Variants in C12orf57 observed in about 807,000 individuals in gnomAD.
The protein encoded by C12orf57 is chromosome 12 open reading frame 57.
C12orf57 carries 14 observed loss-of-function variants against 11.3 expected under a neutral mutation model. The observed-to-expected ratio is 1.24, with a 90% CI of 0.82 to 1.94. The LOEUF is 1.94. C12orf57 is among the 30% of genes most tolerant of loss of function. C12orf57 has a pLI of 0.00. For synonymous variants in C12orf57, 100 were observed against 74.6 expected (o/e 1.34, Z -1.76); for missense variants, 229 against 172.4 (o/e 1.33, Z -1.84).
Position 6,944,167 on chromosome 12 carries a change from G to A in C12orf57, c.46G>A (p.Ala16Thr), listed in dbSNP as rs782651043. 6 of 1,614,202 alleles carry A rather than the reference G, an allele frequency of 3.7e-6. No homozygotes were observed. Among genetic ancestry groups the A allele is most frequent in the Admixed American group, 1.7e-5 (1 of 60,032 alleles). ...TQPAALSAEQAKVVLAEVIQA... is the reference protein window; with the variant it reads ...TQPAALSAEQTKVVLAEVIQA... ...ACCGGCGGCCTTGAGCGCTGAGCAA[G>A]CAAAGGGTGAGAATCGTCCTAGTCA... The change falls in exon 1 of 3, where the codon GCA (alanine) becomes ACA (threonine). Residue 16 changes from alanine to threonine, a missense_variant. By Grantham distance (58) the Ala-to-Thr change is moderately conservative. Coordinates refer to ENST00000229281, the MANE Select transcript of C12orf57 (RefSeq NM_138425.4).
At chr12:6,944,206 T>TGGCCTGGGGTAGTCAA (rs1321580204) in intron 1 of C12orf57, 33 bp downstream of exon 1, 4 of 1,565,710 alleles carry the variant, frequency 2.6e-6, no homozygotes, top group Non-Finnish European at 2.6e-6. Flanking sequence ...CATAGGCTGC[T>TGGCCTGGGGTAGTCAA]GGCCTGGGGT....
upstream of C12orf57, chr12:6,943,815 G>T (rs61917871): frequency 5.3e-5 from 45 of 843,114 alleles, no homozygotes; most frequent in African/African-American, 7.0e-4. Context: ...CACATACGCA[G>T]CAGTGTTACA....
chr12:6,945,932 C>G lies in C12orf57; in HGVS notation c.*10C>G. On this transcript the variant is annotated 3_prime_UTR_variant, in exon 3 of 3. Coordinates refer to ENST00000229281, the MANE Select transcript of C12orf57 (RefSeq NM_138425.4). ...CGTGGCCGCCTCCTGAGAGTTGGCC[C>G]TCCCTTGTGCCACTGCCAGGGGAGG... 6.2e-7 allele frequency: 1 copy of G among 1,608,104 alleles called. No homozygotes were observed. Among genetic ancestry groups the G allele is most frequent in the South Asian group, 1.1e-5 (1 of 90,558 alleles).
rs972287855 is a variant in C12orf57, at chr12:6,944,065, C to G, written c.-57C>G. The G allele has an allele frequency of 1.7e-5, 27 of 1,613,068 alleles. No homozygotes were observed. Among genetic ancestry groups the G allele is most frequent in the Admixed American group, 3.3e-5 (2 of 60,006 alleles). ...CGTTGGGAACGGTTGTAGGACGTGGCTCTTTATTCGTGAGTTTTCCATTTA... is the reference window on the plus strand; with the variant it reads ...CGTTGGGAACGGTTGTAGGACGTGGGTCTTTATTCGTGAGTTTTCCATTTA... On this transcript the variant is annotated 5_prime_UTR_variant, in exon 1 of 3. Transcript: ENST00000229281.
chr12:6,943,884 G>C (rs978150168), upstream of C12orf57: 14 of 1,024,156 alleles, frequency 1.4e-5, no homozygotes, highest in African/African-American at 9.9e-5. Context: ...CCCCTCTTAT[G>C]ATGTTTGTTG....
upstream of C12orf57, chr12:6,943,719 TATACAGTA>T: frequency 1.6e-6 from 2 of 1,270,480 alleles, no homozygotes; most frequent in Non-Finnish European, 2.0e-6. Flanking sequence ...CGTCGTTGTT[TATACAGTA>T]ATAGGAACAA....
In C12orf57 at chr12:6,944,086, AT is replaced by A; in HGVS notation, c.-33del. The stretch of plus-strand genomic sequence containing the variant: ...GTGGCTCTTTATTCGTGAGTTTTCC[AT>A]TTACCTCCGCTGAACCTAGAGCTTC... On this transcript the variant is annotated 5_prime_UTR_variant, in exon 1 of 3. Transcript: ENST00000229281. 1 of 1,613,964 alleles carries A rather than the reference AT, an allele frequency of 6.2e-7. No homozygotes were observed. Among genetic ancestry groups the A allele is most frequent in the Non-Finnish European group, 8.5e-7 (1 of 1,179,940 alleles).
At chr12:6,943,902 T>C (rs112644872), upstream of C12orf57, 444 of 1,122,660 alleles carry the variant, frequency 4.0e-4, no homozygotes, top group Middle Eastern at 5.8e-4. Context: ...TTGCCAATGA[T>C]AGATTGTTTT....
At position 6,945,797 on chromosome 12, in the gene C12orf57, A is replaced by C. The variant is rs1555146486; in HGVS notation, c.256A>C (p.Lys86Gln). The change falls in exon 3 of 3, where the codon AAG becomes CAG. Residue 86 changes from lysine to glutamine, a missense_variant. Coordinates refer to ENST00000229281, the MANE Select transcript of C12orf57 (RefSeq NM_138425.4). ...EGVLKFARLV[K>Q]SYEAQDPEIA... ...TGTCCTTAAGTTTGCTCGCTTGGTCAAGTCCTACGAAGCCCAGGATCCTGA... is the reference window on the plus strand; with the variant it reads ...TGTCCTTAAGTTTGCTCGCTTGGTCCAGTCCTACGAAGCCCAGGATCCTGA... The C allele has an allele frequency of 6.2e-7, 1 of 1,613,664 alleles. No individual in the cohort carries two copies. The highest frequency in any genetic ancestry group is 1.3e-5 in the African/African-American group (1 of 74,874).
At chr12:6,943,768 A>AT, upstream of C12orf57, 2 of 1,057,686 alleles carry the variant, frequency 1.9e-6, no homozygotes, top group Non-Finnish European at 2.5e-6. Flanking sequence ...ACCCTCATCA[A>AT]TTGTGGAGTT....
chr12:6,943,869 G>GC (rs1174136528), upstream of C12orf57: 15 of 953,356 alleles, frequency 1.6e-5, no homozygotes, highest in Middle Eastern at 3.4e-4. Context: ...CTTTTTACCG[G>GC]AAAGCCCCTC....
At position 6,944,187 on chromosome 12, in the gene C12orf57, T is replaced by C. The variant is rs1351667092; in HGVS notation, c.52+14T>C. On this transcript the variant is annotated intron_variant, in intron 1 of 2. Transcript: ENST00000229281. ...AGCAAGCAAAGGGTGAGAATCGTCC[T>C]AGTCAAGGCATAGGCTGCTGGCCTG... 2 of 1,565,816 alleles carry C rather than the reference T, an allele frequency of 1.3e-6. No homozygotes were observed. Among genetic ancestry groups the C allele is most frequent in the Non-Finnish European group, 1.8e-6 (2 of 1,140,598 alleles).
chr12:6,943,461 G>T (rs1945678937), upstream of C12orf57: 1 of 1,225,034 alleles, frequency 8.2e-7, no homozygotes, highest in South Asian at 1.4e-5. Flanking sequence ...CGGGCATTAG[G>T]CTCCATCGCT....
chr12:6,943,605 A>G (rs1370695127), upstream of C12orf57: 2 of 1,289,726 alleles, frequency 1.6e-6, no homozygotes, highest in Non-Finnish European at 2.0e-6. Context: ...ATCAGCACCG[A>G]ACTCATTTGC....
chr12:6,944,771 A>G (rs1945755848), intron 2 of C12orf57, 119 bp downstream of exon 2: 2 of 1,545,754 alleles, frequency 1.3e-6, no homozygotes, highest in Non-Finnish European at 1.8e-6. Flanking sequence ...GGCGGCAGCC[A>G]CAATCTGACT....
chr12:6,943,439 G>A, upstream of C12orf57: 1 of 1,119,286 alleles, frequency 8.9e-7, no homozygotes, highest in South Asian at 1.5e-5. Flanking sequence ...TGGAAGGGAA[G>A]GGAAATCGGG....
intron 2 of C12orf57, 155 bp downstream of exon 2, chr12:6,944,807 G>T (rs1945757960): frequency 1.4e-6 from 2 of 1,480,824 alleles, no homozygotes; most frequent in East Asian, 4.9e-5. Flanking sequence ...CAGAGCCCAG[G>T]GTCTACCCTG....
At chr12:6,943,958 G>GT, upstream of C12orf57, 1 of 1,524,772 alleles carries the variant, frequency 6.6e-7, no homozygotes, top group Non-Finnish European at 8.8e-7. Flanking sequence ...TGATGCAGTT[G>GT]TAAGCTTGGG....
upstream of C12orf57, chr12:6,943,943 GGTCTT>G: frequency 2.8e-6 from 4 of 1,433,152 alleles, no homozygotes; most frequent in Non-Finnish European, 3.7e-6. Flanking sequence ...TAGTTTTGGT[GGTCTT>G]GATGCAGTTG....
Sources: gnomAD v4.1 joint callset for allele counts on GRCh38, gnomAD v4.1.1 for gene constraint, MANE v1.5 for transcripts, NCBI Gene and HGNC (gene_info 2026-07-23, HGNC 2026-07-21) for gene names.